Variants in THADA observed in about 807,000 individuals in gnomAD.
THADA encodes tRNA (32-2'-O)-methyltransferase regulator THADA.
In THADA, 213 loss-of-function variants were observed where a neutral mutation model predicts 219.8. The ratio of observed to expected loss-of-function variants is 0.97; its 90% confidence interval spans 0.87 to 1.09. The LOEUF is 1.09. Among genes scored for constraint, THADA ranks in the 50% least tolerant of loss-of-function variants. The pLI is 0.00. For synonymous variants in THADA, 1,018 were observed against 828.9 expected (o/e 1.23, Z -3.92); for missense variants, 2,956 against 2,311.3 (o/e 1.28, Z -5.72).
chr2:43,388,589 T>G (rs753668184), intron 29 of THADA, among the ~76,000 whole-genome samples: 3 of 152,182 alleles, frequency 2.0e-5, no homozygotes, highest in East Asian at 1.9e-4. Context: ...GGAGAGGATG[T>G]AATTCAAAAC....
intron 35 of THADA, among the ~76,000 whole-genome samples, chr2:43,284,806 C>T (rs1472770847): frequency 6.6e-6 from 1 of 152,210 alleles, no homozygotes; most frequent in Non-Finnish European, 1.5e-5. Context: ...AGGGCTGTAC[C>T]CTGTAAAGCC....
chr2:43,517,966 C>T (rs1691940223), intron 22 of THADA, among the ~76,000 whole-genome samples: 1 of 152,170 alleles, frequency 6.6e-6, no homozygotes, highest in South Asian at 2.1e-4. Context: ...AGCTCTTCTC[C>T]AGAAAAGGTG....
At chr2:43,236,668 TAAAG>T (rs1189203332) in intron 36 of THADA, among the ~76,000 whole-genome samples, 1 of 151,944 alleles carries the variant, frequency 6.6e-6, no homozygotes, top group Non-Finnish European at 1.5e-5. Context: ...CTACAAAAAA[TAAAG>T]AATCTGCTGT....
chr2:43,251,823 G>C (rs1347720710), intron 36 of THADA, among the ~76,000 whole-genome samples: 1 of 152,172 alleles, frequency 6.6e-6, no homozygotes, highest in Non-Finnish European at 1.5e-5. Context: ...CATGTTCAGG[G>C]AATAGTTTTT....
intron 21 of THADA, among the ~76,000 whole-genome samples, chr2:43,533,679 G>C (rs1303164371): frequency 6.6e-6 from 1 of 152,170 alleles, no homozygotes; most frequent in African/African-American, 2.4e-5. Flanking sequence ...TCATAAGTGG[G>C]AGTTGAACAA....
chr2:43,339,802 C>T (rs6710656), intron 30 of THADA, among the ~76,000 whole-genome samples: 38,780 of 151,994 alleles, frequency 0.26, 5,909 homozygotes, highest in African/African-American at 0.43. Flanking sequence ...AATCTGCAAG[C>T]AGCAAGGGTG....
intron 24 of THADA, among the ~76,000 whole-genome samples, chr2:43,503,879 T>G (rs769155876): frequency 3.9e-4 from 60 of 152,132 alleles, no homozygotes; most frequent in Admixed American, 2.1e-3. Context: ...GCCCCATTAT[T>G]TTTAGATGTT....
At chr2:43,430,369 T>A (rs1679080917) in intron 26 of THADA, 67 bp from the exon 27 acceptor site, 1 of 904,208 alleles carries the variant, frequency 1.1e-6, no homozygotes, top group African/African-American at 1.7e-5. Context: ...AAGCCTTTTT[T>A]TTAAAAAAAG....
intron 29 of THADA, among the ~76,000 whole-genome samples, chr2:43,391,230 T>C (rs1392707972): frequency 6.6e-6 from 1 of 152,154 alleles, no homozygotes; most frequent in South Asian, 2.1e-4. Context: ...TTGCTATTAA[T>C]TCCCCTACTC....
intron 26 of THADA, among the ~76,000 whole-genome samples, chr2:43,464,351 G>A (rs1045516926): frequency 6.6e-6 from 1 of 151,978 alleles, no homozygotes; most frequent in East Asian, 1.9e-4. Context: ...GAAGTAGAAG[G>A]AAAAACAAGT....
In THADA at chr2:43,231,028, C is replaced by G. The variant is rs781593026; in HGVS notation, c.5782G>C (p.Asp1928His). 4.3e-6 allele frequency: 7 copies of G among 1,614,002 alleles called. No individual in the cohort carries two copies. The highest frequency in any genetic ancestry group is 5.9e-6 in the Non-Finnish European group (7 of 1,179,880). Residue 1928 changes from aspartate (D) to histidine (H), a missense_variant, in exon 38 of 38, where the codon GAC becomes CAC. Physicochemically the swap from Asp to His is moderately conservative, Grantham distance 81. Coordinates refer to ENST00000405975, the MANE Select transcript of THADA (RefSeq NM_022065.5). Reference protein sequence around the residue: ...LAFLEGKEGEDTLVLSVWDSY... With the variant: ...LAFLEGKEGEHTLVLSVWDSY... ...TCCCAAACACTGAGAACTAGGGTGT[C>G]TTCCCCTTCCTTTCCTTCCAAAAAG...
intron 29 of THADA, among the ~76,000 whole-genome samples, chr2:43,368,544 G>C (rs1177366756): frequency 6.6e-6 from 1 of 151,790 alleles, no homozygotes; most frequent in Non-Finnish European, 1.5e-5. Context: ...CTGCAGGTGT[G>C]TGCCAGCCAC....
intron 29 of THADA, among the ~76,000 whole-genome samples, chr2:43,384,256 G>T (rs145859847): frequency 6.6e-6 from 1 of 152,152 alleles, no homozygotes; most frequent in Non-Finnish European, 1.5e-5. Context: ...TGATCTTCAA[G>T]ACACATTTAC....
At chr2:43,354,954 T>C (rs1362799234) in intron 29 of THADA, among the ~76,000 whole-genome samples, 1 of 152,176 alleles carries the variant, frequency 6.6e-6, no homozygotes, top group Non-Finnish European at 1.5e-5. Flanking sequence ...TTCTCCTTGC[T>C]GCCACCACGA....
At chr2:43,534,804 G>T (rs1694337499) in intron 21 of THADA, among the ~76,000 whole-genome samples, 1 of 151,968 alleles carries the variant, frequency 6.6e-6, no homozygotes, top group Non-Finnish European at 1.5e-5. Context: ...TCAATCAAGG[G>T]GTTGCAGCAC....
At chr2:43,563,657 T>C (rs1347168403) in intron 15 of THADA, 1 of 152,166 alleles carries the variant, frequency 6.6e-6, no homozygotes, top group Non-Finnish European at 1.5e-5. Flanking sequence ...TTTAATCTAA[T>C]TGTAGATTTT....
At chr2:43,466,101 T>G (rs930642037) in intron 26 of THADA, among the ~76,000 whole-genome samples, 2 of 152,194 alleles carry the variant, frequency 1.3e-5, no homozygotes, top group Admixed American at 1.3e-4. Flanking sequence ...CCTGAACTCA[T>G]GCTCCTCTCT....
chr2:43,274,361 G>C (rs1672473543), intron 36 of THADA, among the ~76,000 whole-genome samples: 1 of 152,196 alleles, frequency 6.6e-6, no homozygotes, highest in Admixed American at 6.5e-5. Context: ...CTGCCTGCTT[G>C]TTCTGAAGCT....
At chr2:43,477,158 A>C (rs1346461397) in intron 26 of THADA, among the ~76,000 whole-genome samples, 5 of 152,158 alleles carry the variant, frequency 3.3e-5, no homozygotes, top group Non-Finnish European at 7.4e-5. Context: ...AATCAGAAAT[A>C]TGCCTTTCAC....
Sources: gnomAD v4.1 joint callset for allele counts (sites outside exome capture counted in the v4.1 genomes callset) on GRCh38, gnomAD v4.1.1 for gene constraint, MANE v1.5 for transcripts, NCBI Gene and HGNC (gene_info 2026-07-23, HGNC 2026-07-21) for gene names.